Variants in IL1RAPL1 observed in about 807,000 individuals in gnomAD.
IL1RAPL1 encodes interleukin 1 receptor accessory protein like 1.
A neutral mutation model predicts 48.4 loss-of-function variants in IL1RAPL1; 3 were observed. The ratio of observed to expected loss-of-function variants is 0.06; its 90% CI spans 0.03 to 0.16. The LOEUF (loss-of-function observed/expected upper bound fraction) is 0.16. IL1RAPL1 is among the 10% of genes least tolerant of loss of function. The pLI is 1.00. For missense variants in IL1RAPL1, 349 were observed against 530.6 expected, an observed-to-expected ratio of 0.66 and a Z score of 3.36; for synonymous variants, 185 against 187.7, an observed-to-expected ratio of 0.99 and a Z score of 0.12.
chrX:28,941,749 T>C (rs1224443871), intron 2 of IL1RAPL1, among the ~76,000 whole-genome samples: 1 of 111,306 alleles, frequency 9.0e-6, no homozygotes, highest in Non-Finnish European at 1.9e-5. Context: ...TTACATCATT[T>C]GCATAGATGT....
At chrX:29,393,729 T>TG (rs1311498952) in intron 3 of IL1RAPL1, among the ~76,000 whole-genome samples, 3 of 110,392 alleles carry the variant, frequency 2.7e-5, no homozygotes, top group Admixed American at 9.7e-5. Context: ...TTTTTGTTTT[T>TG]TTTTTTAATT....
At chrX:29,502,462 T>C (rs1935285881) in intron 5 of IL1RAPL1, among the ~76,000 whole-genome samples, 2 of 111,732 alleles carry the variant, frequency 1.8e-5, no homozygotes. Flanking sequence ...TTAGCATATA[T>C]GCATTTTATT....
intron 2 of IL1RAPL1, among the ~76,000 whole-genome samples, chrX:29,139,492 A>G (rs1230256456): frequency 9.0e-6 from 1 of 111,502 alleles, no homozygotes; most frequent in Non-Finnish European, 1.9e-5. Context: ...CTTAATTTGT[A>G]TATTCTTAGC....
At chrX:29,196,316 T>C (rs1022937691) in intron 2 of IL1RAPL1, among the ~76,000 whole-genome samples, 2 of 112,088 alleles carry the variant, frequency 1.8e-5, no homozygotes, top group Non-Finnish European at 3.8e-5. Flanking sequence ...GTAATAACAA[T>C]AATATCGTAG....
intron 5 of IL1RAPL1, among the ~76,000 whole-genome samples, chrX:29,539,399 A>G (rs1921357263): frequency 8.9e-6 from 1 of 111,749 alleles, no homozygotes; most frequent in Admixed American, 9.5e-5. Flanking sequence ...TAGACATTGA[A>G]GGAACATACC....
intron 2 of IL1RAPL1, among the ~76,000 whole-genome samples, chrX:29,244,273 A>G (rs1006473251): frequency 2.7e-5 from 3 of 112,301 alleles, no homozygotes; most frequent in Admixed American, 9.5e-5. Context: ...AATCTTTGAC[A>G]CAGAAAGAGA....
At chrX:29,334,775 G>C (rs1390034478) in intron 3 of IL1RAPL1, among the ~76,000 whole-genome samples, 1 of 112,379 alleles carries the variant, frequency 8.9e-6, no homozygotes, top group East Asian at 2.8e-4. Flanking sequence ...GGGCAGAGAC[G>C]CTCCTCACTT....
At chrX:29,125,555 T>G (rs188678869) in intron 2 of IL1RAPL1, among the ~76,000 whole-genome samples, 19 of 111,683 alleles carry the variant, frequency 1.7e-4, no homozygotes, top group African/African-American at 4.5e-4. Context: ...TTTGAAAGAG[T>G]TCAGTGATGT....
chrX:29,358,312 T>A (rs1428809606), intron 3 of IL1RAPL1, among the ~76,000 whole-genome samples: 1 of 110,741 alleles, frequency 9.0e-6, no homozygotes, highest in Non-Finnish European at 1.9e-5. Flanking sequence ...GGTGTCATTT[T>A]TTGAGCCCCA....
intron 2 of IL1RAPL1, among the ~76,000 whole-genome samples, chrX:29,168,701 A>G (rs1929843060): frequency 1.2e-5 from 1 of 85,378 alleles, no homozygotes; most frequent in Non-Finnish European, 2.5e-5. Flanking sequence ...ACAATTGTAT[A>G]TATATATTCA....
chrX:28,876,494 G>A (rs527383314), intron 2 of IL1RAPL1, among the ~76,000 whole-genome samples: 1 of 111,502 alleles, frequency 9.0e-6, no homozygotes, highest in Admixed American at 9.5e-5. Context: ...TTAGCCATCA[G>A]AGCAAAGGTC....
chrX:29,924,686 C>T (rs1042816348), intron 8 of IL1RAPL1, among the ~76,000 whole-genome samples: 7 of 111,479 alleles, frequency 6.3e-5, no homozygotes, highest in Non-Finnish European at 1.1e-4. Flanking sequence ...ATATGGATTA[C>T]AAAAATATGG....
intron 6 of IL1RAPL1, among the ~76,000 whole-genome samples, chrX:29,679,207 G>A (rs773938785): frequency 2.7e-5 from 3 of 111,478 alleles, no homozygotes; most frequent in African/African-American, 6.5e-5. Flanking sequence ...TTATTACCAC[G>A]AATATTCAGT....
intron 3 of IL1RAPL1, chrX:29,369,707 G>A (rs916798663): frequency 8.9e-6 from 1 of 111,916 alleles, no homozygotes; most frequent in African/African-American, 3.3e-5. Flanking sequence ...AGATTTGGGT[G>A]GGGATACGGC....
chrX:28,934,649 G>A (rs1285867400), intron 2 of IL1RAPL1, among the ~76,000 whole-genome samples: 1 of 111,370 alleles, frequency 9.0e-6, no homozygotes, highest in Admixed American at 9.6e-5. Flanking sequence ...TTGTTGTTTC[G>A]TGACTGATTT....
chrX:29,208,720 TAATA>T (rs1283583311), intron 2 of IL1RAPL1, among the ~76,000 whole-genome samples: 1 of 86,682 alleles, frequency 1.2e-5, no homozygotes, highest in Non-Finnish European at 2.0e-5. Flanking sequence ...ATAATAATAA[TAATA>T]ATAATAATAA....
At chrX:29,609,117 TC>T (rs1197346599) in intron 5 of IL1RAPL1, among the ~76,000 whole-genome samples, 2 of 111,971 alleles carry the variant, frequency 1.8e-5, no homozygotes, top group Admixed American at 9.5e-5. Flanking sequence ...ACCAATTGAA[TC>T]ATTCATCAAA....
chrX:29,160,919 G>T (rs771784076), intron 2 of IL1RAPL1, among the ~76,000 whole-genome samples: 1 of 111,560 alleles, frequency 9.0e-6, no homozygotes, highest in African/African-American at 3.3e-5. Flanking sequence ...CCAGGCAGGC[G>T]TGGTGGTGCA....
At chrX:29,915,532 A>T (rs1425290911) in intron 6 of IL1RAPL1, among the ~76,000 whole-genome samples, 6 of 111,137 alleles carry the variant, frequency 5.4e-5, no homozygotes, top group Admixed American at 9.6e-5. Context: ...CCTAGTTTAG[A>T]AAGATTACAT....
Sources: gnomAD v4.1 joint callset for allele counts (sites outside exome capture counted in the v4.1 genomes callset) on GRCh38, gnomAD v4.1.1 for gene constraint, MANE v1.5 for transcripts, NCBI Gene and HGNC (gene_info 2026-07-23, HGNC 2026-07-21) for gene names.